Variants in ARHGAP32 observed in about 807,000 individuals in gnomAD.
The protein encoded by ARHGAP32 is rho GTPase-activating protein 32.
A neutral mutation model predicts 186.5 loss-of-function variants in ARHGAP32; 51 were observed. That is an observed-to-expected ratio of 0.27 (90% confidence interval 0.22 to 0.35). The LOEUF (loss-of-function observed/expected upper bound fraction) is 0.35, where lower values mean the gene tolerates loss of function less well. ARHGAP32 is among the 10% of genes least tolerant of loss of function. The probability of loss-of-function intolerance (pLI) is 1.00; values close to 1 mark genes in which losing one functional copy is unlikely to be tolerated. For synonymous variants in ARHGAP32, 950 were observed against 964.3 expected (o/e 0.99, Z 0.27); for missense variants, 2,186 against 2,623.5 (o/e 0.83, Z 3.64).
intron 1 of ARHGAP32, among the ~76,000 whole-genome samples, chr11:129,190,990 T>G (rs1944258752): frequency 6.6e-6 from 1 of 152,232 alleles, no homozygotes; most frequent in East Asian, 1.9e-4. Flanking sequence ...AATATACTTC[T>G]CATTTATTTG....
chr11:129,162,775 A>G (rs146243901), intron 2 of ARHGAP32, among the ~76,000 whole-genome samples: 352 of 152,318 alleles, frequency 2.3e-3, no homozygotes, highest in African/African-American at 8.3e-3. Context: ...TAGCTTATAT[A>G]TAAGAAACAC....
chr11:129,082,158 T>C (rs1439248595), intron 6 of ARHGAP32, among the ~76,000 whole-genome samples: 4 of 152,128 alleles, frequency 2.6e-5, no homozygotes, highest in African/African-American at 7.2e-5. Flanking sequence ...AGAATCAATA[T>C]GGTGAAAATG....
chr11:129,268,822 T>A (rs1366896063), intron 1 of ARHGAP32, among the ~76,000 whole-genome samples: 1 of 152,084 alleles, frequency 6.6e-6, no homozygotes, highest in Non-Finnish European at 1.5e-5. Flanking sequence ...TCCTGTGACT[T>A]CTCATTATTG....
chr11:129,042,952 T>C (rs976559752), intron 10 of ARHGAP32, among the ~76,000 whole-genome samples: 1 of 152,206 alleles, frequency 6.6e-6, no homozygotes, highest in African/African-American at 2.4e-5. Context: ...TCTTAAGCCA[T>C]GACGGATAGA....
intron 5 of ARHGAP32, among the ~76,000 whole-genome samples, chr11:129,100,490 C>A (rs1941862254): frequency 6.6e-6 from 1 of 152,168 alleles, no homozygotes; most frequent in Admixed American, 6.5e-5. Flanking sequence ...ATGTCAGCTT[C>A]CCCTGAGGCC....
intron 11 of ARHGAP32, among the ~76,000 whole-genome samples, chr11:129,024,638 G>GA (rs984574998): frequency 6.6e-6 from 1 of 151,680 alleles, no homozygotes; most frequent in Admixed American, 6.6e-5. Context: ...AATTATTAGG[G>GA]AAAAAAATAA....
chr11:129,089,170 C>T (rs1395758248), intron 6 of ARHGAP32, among the ~76,000 whole-genome samples: 2 of 152,148 alleles, frequency 1.3e-5, no homozygotes, highest in Non-Finnish European at 2.9e-5. Context: ...GTTCTTCTTT[C>T]ACTCATTTAT....
chr11:129,046,249 A>C (rs559876227), intron 10 of ARHGAP32, among the ~76,000 whole-genome samples: 101 of 152,352 alleles, frequency 6.6e-4, no homozygotes, highest in African/African-American at 2.3e-3. Flanking sequence ...TAACTTCAAG[A>C]GCATAAATGG....
chr11:129,270,416 T>C (rs929129234), intron 1 of ARHGAP32, among the ~76,000 whole-genome samples: 3 of 151,946 alleles, frequency 2.0e-5, no homozygotes, highest in African/African-American at 7.3e-5. Flanking sequence ...GTCAAACTAC[T>C]CTATAAGATA....
chr11:129,209,903 C>A (rs138564378), intron 1 of ARHGAP32, among the ~76,000 whole-genome samples: 2 of 152,122 alleles, frequency 1.3e-5, no homozygotes, highest in Admixed American at 6.6e-5. Context: ...TAAATCATAA[C>A]CAGAATGTCG....
chr11:129,117,766 T>TC (rs912615090), intron 5 of ARHGAP32, among the ~76,000 whole-genome samples: 2 of 151,188 alleles, frequency 1.3e-5, no homozygotes, highest in African/African-American at 2.4e-5. Context: ...CATATCCTTT[T>TC]CCCCCCCTAC....
chr11:129,097,688 A>C (rs1941773908), intron 5 of ARHGAP32, among the ~76,000 whole-genome samples: 1 of 152,180 alleles, frequency 6.6e-6, no homozygotes, highest in Non-Finnish European at 1.5e-5. Context: ...CCCTCAAGCA[A>C]ACCAACATAC....
At chr11:129,070,410 G>A (rs768230105) in intron 6 of ARHGAP32, among the ~76,000 whole-genome samples, 1 of 151,890 alleles carries the variant, frequency 6.6e-6, no homozygotes, top group East Asian at 1.9e-4. Context: ...ATATTAGTTT[G>A]GTTAAATTGT....
intron 10 of ARHGAP32, among the ~76,000 whole-genome samples, chr11:129,057,730 T>A (rs946759357): frequency 6.6e-6 from 1 of 151,208 alleles, no homozygotes; most frequent in African/African-American, 2.4e-5. Flanking sequence ...ATCTGTGTAT[T>A]AGTGGACTCG....
At chr11:129,124,028 TA>T (rs1942598195) in intron 3 of ARHGAP32, 99 bp from the exon 4 acceptor site, 7 of 787,412 alleles carry the variant, frequency 8.9e-6, no homozygotes, top group Non-Finnish European at 1.2e-5. Context: ...TTTTCCTCTT[TA>T]AAACTGATTA....
chr11:129,165,759 A>T (rs1023196622), intron 1 of ARHGAP32, among the ~76,000 whole-genome samples: 10 of 151,678 alleles, frequency 6.6e-5, no homozygotes, highest in Non-Finnish European at 1.0e-4. Context: ...GTAATAATAA[A>T]AAAAAAAATA....
intron 6 of ARHGAP32, among the ~76,000 whole-genome samples, chr11:129,072,972 C>T (rs1368515063): frequency 6.6e-6 from 1 of 152,102 alleles, no homozygotes; most frequent in Non-Finnish European, 1.5e-5. Flanking sequence ...AGAGGAATAC[C>T]AAACTCCAGC....
At chr11:128,999,027 C>G (rs1206598559) in intron 11 of ARHGAP32, among the ~76,000 whole-genome samples, 1 of 152,194 alleles carries the variant, frequency 6.6e-6, no homozygotes, top group Non-Finnish European at 1.5e-5. Context: ...CCAAAAAGAA[C>G]AGGATAACTG....
intron 1 of ARHGAP32, among the ~76,000 whole-genome samples, chr11:129,224,608 A>G (rs1565473196): frequency 6.6e-6 from 1 of 151,914 alleles, no homozygotes; most frequent in Non-Finnish European, 1.5e-5. Flanking sequence ...GCAACACATA[A>G]TACCACTGAA....
Sources: allele counts gnomAD v4.1 joint callset (sites outside exome capture counted in the v4.1 genomes callset), GRCh38; gene constraint gnomAD v4.1.1; transcripts MANE v1.5; gene names NCBI Gene and HGNC (gene_info 2026-07-23, HGNC 2026-07-21).